Variants in SNX8 observed in about 807,000 individuals in gnomAD.
SNX8 encodes the protein sorting nexin 8.
In SNX8, 25 loss-of-function variants were observed where a neutral mutation model predicts 51.6. That is an observed-to-expected ratio of 0.48 (90% CI 0.35 to 0.68). SNX8 has a LOEUF of 0.68. Ranked by LOEUF, SNX8 falls within the 30% of genes least tolerant of loss-of-function variation. The pLI is 0.00. For synonymous variants in SNX8, 324 were observed against 277.0 expected, an observed-to-expected ratio of 1.17 and a Z score of -1.68; for missense variants, 695 against 624.0, an observed-to-expected ratio of 1.11 and a Z score of -1.21.
chr7:2,302,722 G>C (rs568651235), intron 1 of SNX8, among the ~76,000 whole-genome samples: 1 of 149,508 alleles, frequency 6.7e-6, no homozygotes, highest in South Asian at 2.1e-4. Flanking sequence ...GCCGCCCATC[G>C]TCTGAGATGT....
intron 1 of SNX8, among the ~76,000 whole-genome samples, chr7:2,314,104 G>A (rs1170285333): frequency 6.6e-6 from 1 of 152,204 alleles, no homozygotes; most frequent in Non-Finnish European, 1.5e-5. Context: ...CAGGAGGGCA[G>A]GGGACCCCGA....
intron 1 of SNX8, among the ~76,000 whole-genome samples, chr7:2,279,936 G>A (rs1795872708): frequency 6.6e-6 from 1 of 152,274 alleles, no homozygotes; most frequent in Non-Finnish European, 1.5e-5. Context: ...CTAGAGCCAA[G>A]AGAACAGGCT....
chr7:2,283,629 T>C (rs1447673978), intron 1 of SNX8, among the ~76,000 whole-genome samples: 1 of 152,174 alleles, frequency 6.6e-6, no homozygotes, highest in Non-Finnish European at 1.5e-5. Flanking sequence ...GCCAGTTCCC[T>C]AGAACGGAGG....
chr7:2,264,387 G>C lies in SNX8; in HGVS notation c.693C>G (p.Ser231Arg), dbSNP rs201297693. The C allele has an allele frequency of 1.9e-6, 3 of 1,612,898 alleles. No homozygotes were observed. The highest frequency in any genetic ancestry group is 2.7e-5 in the African/African-American group (2 of 75,062). ...SRELIRNIYN[S>R]FHKLRDRAER... ...CGGCCCTGTCGCGAAGCTTGTGAAA[G>C]CTATTGTAGATGTTCCGGATCAGCT... is the stretch of plus-strand genomic sequence containing the variant. Residue 231 changes from serine to arginine, a missense_variant, in exon 6 of 11, where the codon AGC (serine) becomes AGG (arginine). Physicochemically the swap from Ser to Arg is moderately radical, Grantham distance 110. Coordinates refer to ENST00000222990, the MANE Select transcript of SNX8 (RefSeq NM_013321.4).
intron 1 of SNX8, among the ~76,000 whole-genome samples, chr7:2,325,227 A>G (rs1489358575): frequency 6.6e-6 from 1 of 151,970 alleles, no homozygotes; most frequent in Non-Finnish European, 1.5e-5. Flanking sequence ...TGCAGCATTA[A>G]TCTCCTGGGC....
intron 2 of SNX8, among the ~76,000 whole-genome samples, chr7:2,276,041 C>A (rs1795772676): frequency 6.6e-6 from 1 of 152,068 alleles, no homozygotes; most frequent in Admixed American, 6.6e-5. Context: ...AGCATAGTGG[C>A]TTCCCACCTG....
chr7:2,284,350 C>G (rs565726066), intron 1 of SNX8, among the ~76,000 whole-genome samples: 1 of 151,036 alleles, frequency 6.6e-6, no homozygotes, highest in African/African-American at 2.4e-5. Context: ...ACCCCGCCCC[C>G]GAAGTAGAAT....
At position 2,254,764 on chromosome 7, in the gene SNX8, A is replaced by G; in HGVS notation, c.*292T>C. ...CCAGGCACAATCTCTGTGAGATGAG[A>G]GATCCCTGCCTCCCCGCACAGCTCT... On this transcript the variant is annotated 3_prime_UTR_variant, in exon 11 of 11. Coordinates refer to ENST00000222990, the MANE Select transcript of SNX8 (RefSeq NM_013321.4). The G allele has an allele frequency of 2.2e-6, 1 of 464,046 alleles. No homozygotes were observed. 28.7% of individuals were successfully genotyped at this position (464,046 alleles called of 1,614,324 possible).
chr7:2,279,417 A>G (rs1298064960), intron 1 of SNX8, among the ~76,000 whole-genome samples: 1 of 152,140 alleles, frequency 6.6e-6, no homozygotes, highest in Non-Finnish European at 1.5e-5. Context: ...CCACTCACTC[A>G]TGCTACAGAG....
In SNX8 at chr7:2,292,106, A is replaced by C. The variant is rs371449744; in HGVS notation, c.95-13801T>G. On this transcript the variant is annotated intron_variant, in intron 1 of 10. Coordinates refer to ENST00000222990, the MANE Select transcript of SNX8 (RefSeq NM_013321.4). Reference sequence around the variant, plus strand: ...TGGTGAAACCCTGTCTCTACTAAAAATACGAAATTAGCCAGGCGTGGTGGT... The same window carrying C: ...TGGTGAAACCCTGTCTCTACTAAAACTACGAAATTAGCCAGGCGTGGTGGT... Among the ~76,000 whole-genome samples the C allele has an allele frequency of 7.7e-4, 118 of 152,264 alleles. 3 individuals are homozygous for C. The South Asian group carries it at 0.019, about 25-fold the overall frequency.
intron 1 of SNX8, among the ~76,000 whole-genome samples, chr7:2,347,265 T>C (rs1779049233): frequency 6.6e-6 from 1 of 151,958 alleles, no homozygotes; most frequent in African/African-American, 2.4e-5. Flanking sequence ...ACGGATCACC[T>C]GAGGTCAGGA....
chr7:2,321,289 G>C (rs958972555), intron 1 of SNX8, among the ~76,000 whole-genome samples: 1 of 152,144 alleles, frequency 6.6e-6, no homozygotes, highest in East Asian at 1.9e-4. Context: ...TTCATACATC[G>C]TCAGCTCCGC....
rs146834659 is a variant in SNX8, at chr7:2,339,798, G to T, written c.-66+14424C>A. 8.1e-4 allele frequency among the ~76,000 whole-genome samples: 123 copies of T among 152,076 alleles called. No individual in the cohort carries two copies. The East Asian group carries it at 0.021, about 27-fold the overall frequency. ...AAAACAGGCAGAATTAGATATATAA[G>T]AACAGATAAATAAGAACACGTAGAT... is the stretch of plus-strand genomic sequence containing the variant. On this transcript the variant is annotated intron_variant, in intron 1 of 5. Transcript: ENST00000435336.
At chr7:2,351,255 G>T (rs1187436225) in intron 1 of SNX8, among the ~76,000 whole-genome samples, 2 of 152,176 alleles carry the variant, frequency 1.3e-5, no homozygotes, top group South Asian at 4.1e-4. Context: ...CACCTCAGAG[G>T]CTCAGAAATA....
Position 2,264,436 on chromosome 7 carries a change from T to C in SNX8, c.644A>G (p.Gln215Arg), listed in dbSNP as rs764736999. ...RAKDFLPADI[Q>R]AQFAISRELI... Reference sequence around the variant, plus strand: ...CTCCCGGCTGATGGCAAACTGAGCCTGGATGTCAGCTGGGAGGAAGTCCTG... The same window carrying C: ...CTCCCGGCTGATGGCAAACTGAGCCCGGATGTCAGCTGGGAGGAAGTCCTG... Residue 215 changes from glutamine (Q) to arginine (R), a missense_variant, in exon 6 of 11, where the codon CAG becomes CGG. Physicochemically the swap from Gln to Arg is conservative, Grantham distance 43 (BLOSUM62 1). Transcript: ENST00000222990. 1.9e-6 allele frequency: 3 copies of C among 1,611,688 alleles called. No individual in the cohort carries two copies. Among genetic ancestry groups the C allele is most frequent in the Admixed American group, 3.3e-5 (2 of 60,008 alleles).
intron 1 of SNX8, among the ~76,000 whole-genome samples, chr7:2,319,612 G>A (rs998518110): frequency 2.0e-5 from 3 of 152,038 alleles, no homozygotes; most frequent in Admixed American, 6.6e-5. Context: ...TCAGGAGATC[G>A]AGACCATCCT....
At chr7:2,326,564 G>A (rs566825167) in intron 1 of SNX8, among the ~76,000 whole-genome samples, 20 of 152,072 alleles carry the variant, frequency 1.3e-4, no homozygotes, top group Non-Finnish European at 2.5e-4. Context: ...TACTCGGGAG[G>A]CTGAGGCAGG....
intron 1 of SNX8, among the ~76,000 whole-genome samples, chr7:2,340,218 A>G (rs1778896172): frequency 6.6e-6 from 1 of 151,602 alleles, no homozygotes; most frequent in African/African-American, 2.4e-5. Context: ...ATGCGCCACC[A>G]TGCCCGGCTA....
upstream of SNX8, among the ~76,000 whole-genome samples, chr7:2,316,493 GCATT>G (rs796088976): frequency 9.9e-5 from 13 of 130,980 alleles, no homozygotes; most frequent in African/African-American, 2.1e-4. Flanking sequence ...ACTGCATCCT[GCATT>G]CATTCATTCA....
Sources: gnomAD v4.1 joint callset for allele counts (sites outside exome capture counted in the v4.1 genomes callset) on GRCh38, gnomAD v4.1.1 for gene constraint, MANE v1.5 for transcripts, NCBI Gene and HGNC (gene_info 2026-07-23, HGNC 2026-07-21) for gene names.